Variants in EPSTI1 observed in about 807,000 individuals in gnomAD.
EPSTI1 encodes epithelial stromal interaction 1.
Under a neutral mutation model 49.9 loss-of-function variants are expected in EPSTI1, and 66 were observed. The observed-to-expected ratio is 1.32, with a 90% CI of 1.08 to 1.62. The LOEUF is 1.62. Among genes scored for constraint, EPSTI1 ranks in the 40% most tolerant of loss-of-function variants. The pLI is 0.00. For missense variants in EPSTI1, 394 were observed against 365.5 expected, an observed-to-expected ratio of 1.08 and a Z score of -0.64; for synonymous variants, 137 against 130.7, an observed-to-expected ratio of 1.05 and a Z score of -0.33.
chr13:42,990,909 G>C lies in EPSTI1; in HGVS notation c.188+1069C>G, dbSNP rs184521147. 1.2e-3 allele frequency among the ~76,000 whole-genome samples: 186 copies of C among 152,352 alleles called. 2 individuals are homozygous for C. The highest frequency in any genetic ancestry group is 4.2e-3 in the African/African-American group (175 of 41,574). ...AGCACTTCAAAGGCAGTGATGTTGT[G>C]ATAAACCATACTGTTGAGTTAAAGT... On this transcript the variant is annotated intron_variant, in intron 1 of 10. Coordinates refer to ENST00000313624, the MANE Select transcript of EPSTI1 (RefSeq NM_033255.5).
intron 10 of EPSTI1, 144 bp from the exon 11 acceptor site, chr13:42,888,646 C>G: frequency 1.2e-6 from 1 of 803,416 alleles, no homozygotes; most frequent in South Asian, 1.9e-5. Flanking sequence ...CTTAAATGAC[C>G]ATTGAAACGA....
chr13:42,928,480 C>G (rs527595820), intron 6 of EPSTI1, among the ~76,000 whole-genome samples: 2 of 152,178 alleles, frequency 1.3e-5, no homozygotes, highest in South Asian at 2.1e-4. Context: ...TTATCACTAC[C>G]GTGACTCTAC....
At position 42,887,541 on chromosome 13, in the gene EPSTI1, A is replaced by G. The variant is rs925731874; in HGVS notation, c.*953T>C. On this transcript the variant is annotated 3_prime_UTR_variant, in exon 11 of 11. Coordinates refer to ENST00000313624, the MANE Select transcript of EPSTI1 (RefSeq NM_033255.5). ...TTGAATGTAATGCTTTTGCTATACA[A>G]TGTGGTGGCTGGGGGACGGTGAGGC... The G allele has an allele frequency of 6.6e-6, 1 of 152,254 alleles. No homozygotes were observed. Among genetic ancestry groups the G allele is most frequent in the Non-Finnish European group, 1.5e-5 (1 of 68,088 alleles). 9.4% of individuals were successfully genotyped at this position (152,254 alleles called of 1,614,324 possible).
chr13:42,947,563 ATTTTT>A (rs1279676145), intron 6 of EPSTI1, among the ~76,000 whole-genome samples: 2 of 152,042 alleles, frequency 1.3e-5, no homozygotes, highest in Admixed American at 6.6e-5. Flanking sequence ...ATTTTATATG[ATTTTT>A]TTTAAGAGGT....
At chr13:42,903,552 C>A (rs1830780) in intron 8 of EPSTI1, among the ~76,000 whole-genome samples, 41,196 of 151,964 alleles carry the variant, frequency 0.27, 7,022 homozygotes, top group Non-Finnish European at 0.38. Flanking sequence ...AATCCCTGAG[C>A]TTAAAAGTTG....
At chr13:42,896,032 G>A (rs2037179867) in intron 9 of EPSTI1, among the ~76,000 whole-genome samples, 1 of 152,178 alleles carries the variant, frequency 6.6e-6, no homozygotes, top group South Asian at 2.1e-4. Context: ...TGGGAGATTA[G>A]GGAACTTTGA....
At chr13:42,953,633 C>T (rs2039169867) in intron 6 of EPSTI1, among the ~76,000 whole-genome samples, 1 of 152,200 alleles carries the variant, frequency 6.6e-6, no homozygotes, top group Non-Finnish European at 1.5e-5. Flanking sequence ...TCAGTGCAAA[C>T]ACCCTATTCC....
At chr13:42,955,727 G>A (rs1274997239) in intron 5 of EPSTI1, among the ~76,000 whole-genome samples, 2 of 151,950 alleles carry the variant, frequency 1.3e-5, no homozygotes, top group East Asian at 1.9e-4. Context: ...GCTTGAACTC[G>A]GGAGGCAGAG....
chr13:42,913,395 G>A (rs1428522231), intron 8 of EPSTI1, among the ~76,000 whole-genome samples: 3 of 152,006 alleles, frequency 2.0e-5, no homozygotes, highest in Non-Finnish European at 4.4e-5. Context: ...ACTGGTAGAG[G>A]AATTACTAGA....
At position 42,964,127 on chromosome 13, in the gene EPSTI1, G is replaced by A. The variant is rs540180609; in HGVS notation, c.344C>T (p.Ser115Leu). ...LVPRRLGGSQ[S>L]ETEVRQKQQL... ...TTGTTTCTGTCTGACTTCAGTTTCTGACTGGCTTCCACCTTAGGAAAAAAA... is the reference window on the plus strand; with the variant it reads ...TTGTTTCTGTCTGACTTCAGTTTCTAACTGGCTTCCACCTTAGGAAAAAAA... Residue 115 changes from serine (S) to leucine (L), a missense_variant, in exon 4 of 11, where the codon TCA (serine) becomes TTA (leucine). By Grantham distance (145) the Ser-to-Leu change is moderately radical. Transcript: ENST00000313624. 2.5e-6 allele frequency: 4 copies of A among 1,613,062 alleles called. No homozygotes were observed. Among genetic ancestry groups the A allele is most frequent in the African/African-American group, 1.3e-5 (1 of 74,796 alleles).
In EPSTI1 at chr13:42,922,609, T is replaced by C. The variant is rs554752126; in HGVS notation, c.657+3727A>G. Among the ~76,000 whole-genome samples, 2 of 152,338 alleles carry C rather than the reference T, an allele frequency of 1.3e-5. No homozygotes were observed. Among genetic ancestry groups the C allele is most frequent in the Admixed American group, 1.3e-4 (2 of 15,306 alleles). On this transcript the variant is annotated intron_variant, in intron 7 of 10. Coordinates refer to ENST00000313624, the MANE Select transcript of EPSTI1 (RefSeq NM_033255.5). This position sits in a 1 kb window ranked among gnomAD's most constrained non-coding sequence, Gnocchi z 4.8. ...GTGTTAAGAGAATAAATTTTTGTTC[T>C]ATTAGGTCACTACATTCGTGGTAAT... is the stretch of plus-strand genomic sequence containing the variant.
chr13:42,983,572 A>AAAAAAAAAAC (rs1415587441), intron 1 of EPSTI1, among the ~76,000 whole-genome samples: 1 of 100,878 alleles, frequency 9.9e-6, no homozygotes, highest in Non-Finnish European at 2.8e-5. Context: ...TCAAAAAAAA[A>AAAAAAAAAAC]AAAAAAAAAA....
chr13:42,888,871 A>C (rs914765201), intron 10 of EPSTI1, among the ~76,000 whole-genome samples: 1 of 152,192 alleles, frequency 6.6e-6, no homozygotes, highest in Non-Finnish European at 1.5e-5. Flanking sequence ...GAAATGTCTC[A>C]AGTAGGGTTA....
rs1273787121 is a variant in EPSTI1 at position 42,992,031 on chromosome 13, C to T, written c.135G>A (p.Glu45=). Residue 45 remains glutamate (E), a synonymous_variant, in exon 1 of 11, where the codon GAG becomes GAA. Coordinates refer to ENST00000313624, the MANE Select transcript of EPSTI1 (RefSeq NM_033255.5). The part of the protein sequence containing the change: ...SPVEDQREGL[E]AAPKGPSRES... ...CCCGCGAAGGGCCCTTAGGGGCTGC[C>T]TCCAAACCCTCTCTCTGGTCTTCCA... is the stretch of plus-strand genomic sequence containing the variant. The T allele has an allele frequency of 6.2e-7, 1 of 1,613,552 alleles. No homozygotes were observed.
rs568356094 is a variant in EPSTI1 at position 42,922,258 on chromosome 13, G to A, written c.657+4078C>T. Among the ~76,000 whole-genome samples the A allele has an allele frequency of 5.9e-5, 9 of 152,312 alleles. No individual in the cohort carries two copies. The highest frequency in any genetic ancestry group is 2.1e-4 in the South Asian group (1 of 4,828). ...GGTTGCATAATGGCCCCCCAAAGAC[G>A]TCCCAATCCCTGGAATCTGTGAATG... On this transcript the variant is annotated intron_variant, in intron 7 of 10. Transcript: ENST00000313624. The surrounding 1 kb of genome is among the most constrained non-coding windows in gnomAD (Gnocchi z 4.8).
At chr13:42,988,358 A>G (rs1163801216) in intron 1 of EPSTI1, among the ~76,000 whole-genome samples, 1 of 152,264 alleles carries the variant, frequency 6.6e-6, no homozygotes, top group Non-Finnish European at 1.5e-5. Flanking sequence ...GGACAAGACA[A>G]AAATCACCAA....
At chr13:42,898,357 G>A (rs1037377095) in intron 9 of EPSTI1, among the ~76,000 whole-genome samples, 2 of 152,176 alleles carry the variant, frequency 1.3e-5, no homozygotes, top group Non-Finnish European at 2.9e-5. Context: ...AGTTCATTGA[G>A]TATGTATTCT....
At chr13:42,947,854 T>C (rs1292047451) in intron 6 of EPSTI1, among the ~76,000 whole-genome samples, 1 of 152,230 alleles carries the variant, frequency 6.6e-6, no homozygotes, top group Non-Finnish European at 1.5e-5. Context: ...CCCCGCCTGG[T>C]GGCTTCTAGC....
chr13:42,935,746 C>T (rs1359521750), intron 6 of EPSTI1, among the ~76,000 whole-genome samples: 1 of 152,050 alleles, frequency 6.6e-6, no homozygotes, highest in Non-Finnish European at 1.5e-5. Context: ...CACCTGCCAT[C>T]ATATCTGGCT....
Sources: allele counts gnomAD v4.1 joint callset (sites outside exome capture counted in the v4.1 genomes callset), GRCh38; gene constraint gnomAD v4.1.1; non-coding constraint Gnocchi (gnomAD v3.1); transcripts MANE v1.5; gene names NCBI Gene and HGNC (gene_info 2026-07-23, HGNC 2026-07-21).